Variants in THADA observed in about 807,000 individuals in gnomAD.
THADA encodes tRNA (32-2'-O)-methyltransferase regulator THADA.
A neutral mutation model predicts 219.8 loss-of-function variants in THADA; 213 were observed. The observed-to-expected ratio is 0.97, with a 90% CI of 0.87 to 1.09. THADA has a LOEUF of 1.09. Among genes scored for constraint, THADA ranks in the 50% least tolerant of loss-of-function variants. The pLI is 0.00. For missense variants in THADA, 2,956 were observed against 2,311.3 expected (o/e 1.28, Z -5.72); for synonymous variants, 1,018 against 828.9 (o/e 1.23, Z -3.92).
chr2:43,398,185 A>C, intron 28 of THADA, 46 bp from the exon 29 acceptor site: 2 of 1,585,602 alleles, frequency 1.3e-6, no homozygotes, highest in Non-Finnish European at 1.7e-6. Flanking sequence ...TCATCTCCAC[A>C]TCTGTGACTT....
intron 26 of THADA, among the ~76,000 whole-genome samples, chr2:43,470,583 T>G (rs952362309): frequency 1.3e-5 from 2 of 152,120 alleles, no homozygotes; most frequent in Admixed American, 1.3e-4. Context: ...ATTAGTAATA[T>G]ACCTTATAAA....
chr2:43,563,239 G>A (rs1005652465), intron 15 of THADA: 1 of 152,114 alleles, frequency 6.6e-6, no homozygotes, highest in Non-Finnish European at 1.5e-5. Flanking sequence ...GTTTTCGTAC[G>A]TTGTATTTTT....
intron 22 of THADA, among the ~76,000 whole-genome samples, chr2:43,527,469 G>A (rs1693305382): frequency 6.6e-6 from 1 of 151,716 alleles, no homozygotes; most frequent in Non-Finnish European, 1.5e-5. Flanking sequence ...TTTTCTATAC[G>A]ATAAAATTAT....
At chr2:43,289,685 T>C (rs1232363490) in intron 34 of THADA, among the ~76,000 whole-genome samples, 1 of 152,228 alleles carries the variant, frequency 6.6e-6, no homozygotes, top group Admixed American at 6.5e-5. Flanking sequence ...GGAGTCTTGC[T>C]CTGTTGCCCA....
At chr2:43,303,317 A>G (rs1676477071) in intron 31 of THADA, among the ~76,000 whole-genome samples, 1 of 152,214 alleles carries the variant, frequency 6.6e-6, no homozygotes, top group African/African-American at 2.4e-5. Context: ...AGTCATTGTG[A>G]AAGTTAACTT....
Position 43,560,217 on chromosome 2 carries a change from T to C in THADA, c.2463+17A>G, listed in dbSNP as rs1372788812. The C allele has an allele frequency of 1.0e-5, 16 of 1,603,776 alleles. No individual in the cohort carries two copies. The highest frequency in any genetic ancestry group is 1.3e-5 in the African/African-American group (1 of 74,520). On this transcript the variant is annotated intron_variant, in intron 16 of 37. Transcript: ENST00000405975. ...TTCCATGCATATACCACATTTATAC[T>C]AGAAAAGTCCTGATACCTGAAAATG... is the stretch of plus-strand genomic sequence containing the variant.
chr2:43,546,676 G>A (rs1012305503), intron 20 of THADA, among the ~76,000 whole-genome samples: 12 of 151,864 alleles, frequency 7.9e-5, no homozygotes, highest in African/African-American at 2.9e-4. Context: ...TGTTTTATCC[G>A]AGACTAGGAT....
Position 43,543,654 on chromosome 2 carries a change from C to T in THADA, c.3107-2338G>A, listed in dbSNP as rs1166356972. On this transcript the variant is annotated intron_variant, in intron 20 of 37. Transcript: ENST00000405975. ...TGGTGAGCATTTTTTCATGTGTTTT[C>T]TGGCTGCATAAATGTCTTCTTTTGA... Among the ~76,000 whole-genome samples, 14 of 152,232 alleles carry T rather than the reference C, an allele frequency of 9.2e-5. No homozygotes were observed. In the South Asian group the frequency reaches 1.5e-3, roughly 16 times the overall value.
chr2:43,264,798 G>A (rs1483861758), intron 36 of THADA, among the ~76,000 whole-genome samples: 2 of 152,162 alleles, frequency 1.3e-5, no homozygotes, highest in African/African-American at 2.4e-5. Flanking sequence ...AACACAGGAA[G>A]GTCAGCGCTT....
At chr2:43,372,451 T>C (rs544157138) in intron 29 of THADA, among the ~76,000 whole-genome samples, 1 of 152,206 alleles carries the variant, frequency 6.6e-6, no homozygotes, top group African/African-American at 2.4e-5. Context: ...TTCTTCTTTA[T>C]TCTAGAAAAA....
At chr2:43,437,446 T>C (rs1437128480) in intron 26 of THADA, among the ~76,000 whole-genome samples, 1 of 152,186 alleles carries the variant, frequency 6.6e-6, no homozygotes, top group Non-Finnish European at 1.5e-5. Context: ...GGTGGCATAG[T>C]TGATGTCAAT....
intron 26 of THADA, among the ~76,000 whole-genome samples, chr2:43,441,788 A>T (rs1680873767): frequency 1.3e-5 from 2 of 152,242 alleles, no homozygotes; most frequent in Admixed American, 6.5e-5. Flanking sequence ...TTTAGGTCAT[A>T]TTTGAATCTC....
intron 1 of THADA, chr2:43,592,776 C>T (rs528734595): frequency 6.3e-6 from 1 of 159,830 alleles, no homozygotes; most frequent in African/African-American, 2.4e-5. Context: ...AGCAAACTTT[C>T]CTTTTAGTGA....
intron 29 of THADA, among the ~76,000 whole-genome samples, chr2:43,359,639 C>CACTTA (rs2104584258): frequency 6.6e-6 from 1 of 152,322 alleles, no homozygotes; most frequent in East Asian, 1.9e-4. Context: ...AAGATTGCGC[C>CACTTA]ACTGCACTCC....
chr2:43,253,037 A>G (rs992454181), intron 36 of THADA, among the ~76,000 whole-genome samples: 8 of 152,180 alleles, frequency 5.3e-5, no homozygotes, highest in African/African-American at 1.7e-4. Context: ...CTTGACTTCT[A>G]CAAGGACATT....
chr2:43,272,019 T>C (rs72877318), intron 36 of THADA, among the ~76,000 whole-genome samples: 2,823 of 152,282 alleles, frequency 0.019, 61 homozygotes, highest in African/African-American at 0.061. Context: ...ACTGGGTGGT[T>C]ACTGTAGTCT....
intron 25 of THADA, among the ~76,000 whole-genome samples, chr2:43,489,790 T>G (rs1288964179): frequency 1.3e-5 from 2 of 151,618 alleles, no homozygotes; most frequent in South Asian, 4.2e-4. Context: ...AATTGGGACC[T>G]GTGGGGCCTC....
intron 25 of THADA, among the ~76,000 whole-genome samples, chr2:43,496,477 T>C (rs1295809490): frequency 6.6e-6 from 1 of 152,218 alleles, no homozygotes; most frequent in African/African-American, 2.4e-5. Context: ...TTTCAAACTT[T>C]TGATAGAGTT....
chr2:43,371,221 T>C (rs1670762552), intron 29 of THADA, among the ~76,000 whole-genome samples: 2 of 152,242 alleles, frequency 1.3e-5, no homozygotes, highest in South Asian at 4.1e-4. Context: ...CATAGTACTA[T>C]GAAGTATATA....
Sources: gnomAD v4.1 joint callset for allele counts (sites outside exome capture counted in the v4.1 genomes callset) on GRCh38, gnomAD v4.1.1 for gene constraint, MANE v1.5 for transcripts, NCBI Gene and HGNC (gene_info 2026-07-23, HGNC 2026-07-21) for gene names.